Variants in COL11A2 observed in about 807,000 individuals in gnomAD.
COL11A2 encodes the protein collagen alpha-2(XI) chain.
A neutral mutation model predicts 273.4 loss-of-function variants in COL11A2; 116 were observed. That is an observed-to-expected ratio of 0.42 (90% CI 0.36 to 0.49). The LOEUF (loss-of-function observed/expected upper bound fraction) is 0.49. COL11A2 is among the 20% of genes least tolerant of loss of function. The probability of loss-of-function intolerance (pLI) is 0.00; values close to 1 mark genes in which losing one functional copy is unlikely to be tolerated. For synonymous variants in COL11A2, 782 were observed against 864.2 expected, an observed-to-expected ratio of 0.90 and a Z score of 1.67; for missense variants, 1,866 against 2,309.0, an observed-to-expected ratio of 0.81 and a Z score of 3.93.
rs1374357507 is a variant in COL11A2 at position 33,165,515 on chromosome 6, G to C, written c.4750+34C>G. On this transcript the variant is annotated intron_variant, in intron 63 of 65. Coordinates refer to ENST00000341947, the MANE Select transcript of COL11A2 (RefSeq NM_080680.3). The surrounding 1 kb of genome is among the most constrained non-coding windows in gnomAD (Gnocchi z 7.7). ...GCTTGTTCAGTACCCATGCTGTTGG[G>C]GAGATGTTTGTGCACCCTGAGGCTA... 6.2e-7 allele frequency: 1 copy of C among 1,608,356 alleles called. No individual in the cohort carries two copies. Among genetic ancestry groups the C allele is most frequent in the Non-Finnish European group, 8.5e-7 (1 of 1,179,970 alleles).
At position 33,189,371 on chromosome 6, in the gene COL11A2, G is replaced by A. The variant is rs1455937570; in HGVS notation, c.181C>T (p.Arg61Ter). The change falls in exon 2 of 66, where the codon CGA becomes TGA. Residue 61 changes from arginine to a stop codon, truncating the protein, a stop_gained. Transcript: ENST00000341947. LOFTEE classifies it high-confidence loss of function. The surrounding 1 kb of genome is among the most constrained non-coding windows in gnomAD (Gnocchi z 5.6). Reference protein sequence around the residue: ...KGICPADVAYRVARPAQLSAP... With the variant: ...KGICPADVAY ...CTGAGCTGGGCAGGTCGTGCCACTC[G>A]GTAGGCCACATCAGCTGGACAGATG... The A allele has an allele frequency of 2.5e-6, 4 of 1,613,328 alleles. No homozygotes were observed. Among genetic ancestry groups the A allele is most frequent in the South Asian group, 1.1e-5 (1 of 91,082 alleles).
chr6:33,176,360 G>C lies in COL11A2; in HGVS notation c.2170-57C>G. The C allele has an allele frequency of 6.2e-7, 1 of 1,600,320 alleles. No individual in the cohort carries two copies. The highest frequency in any genetic ancestry group is 1.1e-5 in the South Asian group (1 of 89,598). On this transcript the variant is annotated intron_variant, in intron 27 of 65. Transcript: ENST00000341947. This position sits in a 1 kb window ranked among gnomAD's most constrained non-coding sequence, Gnocchi z 4.9. ...ATCAGGGGATGGAGGTGGGTTGGAA[G>C]GACCAAGCTCCTAAGACCCCATATA...
rs1772697703 is a variant in COL11A2 at position 33,188,503 on chromosome 6, A to AG, written c.464dup (p.Val156CysfsTer11). 1 of 1,612,952 alleles carries AG rather than the reference A, an allele frequency of 6.2e-7. No homozygotes were observed. Among genetic ancestry groups the AG allele is most frequent in the Non-Finnish European group, 8.5e-7 (1 of 1,180,028 alleles). On this transcript the variant is annotated frameshift_variant, in exon 4 of 66. Transcript: ENST00000341947. LOFTEE classifies it high-confidence loss of function. Reference sequence around the variant, plus strand: ...TGAGGGTGACAGACTGGCCCTTCACAGCCACAGCCACACGGTGCCACCTGG... The same window carrying AG: ...TGAGGGTGACAGACTGGCCCTTCACAGGCCACAGCCACACGGTGCCACCTGG...
At chr6:33,186,572 G>T in intron 5 of COL11A2, 55 bp downstream of exon 5, 1 of 1,613,690 alleles carries the variant, frequency 6.2e-7, no homozygotes, top group Non-Finnish European at 8.5e-7. Flanking sequence ...GAGATGCCTG[G>T]GTGTCTTCCC....
At position 33,173,640 on chromosome 6, in the gene COL11A2, A is replaced by G; in HGVS notation, c.2628+61T>C. Reference sequence around the variant, plus strand: ...AGCTTCCTTCCTGGGGTGAGGAGGGAGCTGGCTCACCCAGGCTCCCTGGGG... The same window carrying G: ...AGCTTCCTTCCTGGGGTGAGGAGGGGGCTGGCTCACCCAGGCTCCCTGGGG... On this transcript the variant is annotated intron_variant, in intron 35 of 65. Transcript: ENST00000341947. This position sits in a 1 kb window ranked among gnomAD's most constrained non-coding sequence, Gnocchi z 6.3. The G allele has an allele frequency of 2.0e-6, 3 of 1,493,292 alleles. No individual in the cohort carries two copies. Among genetic ancestry groups the G allele is most frequent in the Non-Finnish European group, 2.8e-6 (3 of 1,081,330 alleles). The allele number at this position is 1,493,292 out of a possible 1,614,324, so 92.5% of individuals were successfully genotyped here. A position where few individuals can be genotyped will look rare whatever the true frequency, so the allele number is the denominator to read the frequency against.
At position 33,170,906 on chromosome 6, in the gene COL11A2, C is replaced by T; in HGVS notation, c.3378G>A (p.Gly1126=). The T allele has an allele frequency of 1.2e-6, 2 of 1,612,888 alleles. No homozygotes were observed. The highest frequency in any genetic ancestry group is 2.2e-5 in the East Asian group (1 of 44,862). ...CCTGGGGTCCCCGAGCTCCGGGCTCCCCATCTGCTCCCTGCAGGGTTGAGG... is the reference window on the plus strand; with the variant it reads ...CCTGGGGTCCCCGAGCTCCGGGCTCTCCATCTGCTCCCTGCAGGGTTGAGG... The part of the protein sequence containing the change: ...VGQPGAAGAD[G]EPGARGPQGH... The change falls in exon 46 of 66, where the codon GGG becomes GGA. Residue 1126 remains glycine (G), a synonymous_variant. Transcript: ENST00000341947. This position sits in a 1 kb window ranked among gnomAD's most constrained non-coding sequence, Gnocchi z 4.3.
At position 33,192,291 on chromosome 6, in the gene COL11A2, G is replaced by A. The variant is rs1363326575; in HGVS notation, c.-51C>T. 2.0e-6 allele frequency: 3 copies of A among 1,505,210 alleles called. No individual in the cohort carries two copies. The highest frequency in any genetic ancestry group is 2.1e-4 in the Middle Eastern group (1 of 4,684). The allele number at this position is 1,505,210 out of a possible 1,614,324, so 93.2% of individuals were successfully genotyped here. A position where few individuals can be genotyped will look rare whatever the true frequency, so the allele number is the denominator to read the frequency against. On this transcript the variant is annotated 5_prime_UTR_variant, in exon 1 of 66. Coordinates refer to ENST00000341947, the MANE Select transcript of COL11A2 (RefSeq NM_080680.3). Reference sequence around the variant, plus strand: ...CCAGGGACCCAGGTCGGCCTGAGACGCTGGATGCCCTGAGGCTGACAGAAG... The same window carrying A: ...CCAGGGACCCAGGTCGGCCTGAGACACTGGATGCCCTGAGGCTGACAGAAG...
At position 33,169,081 on chromosome 6, in the gene COL11A2, A is replaced by C; in HGVS notation, c.3799-73T>G. On this transcript the variant is annotated intron_variant, in intron 51 of 65. Transcript: ENST00000341947. The surrounding 1 kb of genome is among the most constrained non-coding windows in gnomAD (Gnocchi z 5.5). Reference sequence around the variant, plus strand: ...ACCCAGCACAGACGCCCACAGGCACACGCCACTGCCTCTCTAGAGGCAGTG... The same window carrying C: ...ACCCAGCACAGACGCCCACAGGCACCCGCCACTGCCTCTCTAGAGGCAGTG... 1.4e-6 allele frequency: 2 copies of C among 1,435,856 alleles called. No homozygotes were observed. The highest frequency in any genetic ancestry group is 1.9e-6 in the Non-Finnish European group (2 of 1,055,480). 88.9% of individuals were successfully genotyped at this position (1,435,856 alleles called of 1,614,324 possible).
chr6:33,173,400 C>G lies in COL11A2; in HGVS notation c.2684G>C (p.Gly895Ala), dbSNP rs555936455. The change falls in exon 37 of 66, where the codon GGC becomes GCC. Residue 895 changes from glycine (G) to alanine (A), a missense_variant and splice_region_variant. Gly to Ala is a moderately conservative substitution (Grantham distance 60). Coordinates refer to ENST00000341947, the MANE Select transcript of COL11A2 (RefSeq NM_080680.3). This position sits in a 1 kb window ranked among gnomAD's most constrained non-coding sequence, Gnocchi z 6.3. Reference sequence around the variant, plus strand: ...CGGCAGCCCATCCTTCCCAGGGGGGCCCTGGAAGGGGTTCAGTTGTCAGGT... The same window carrying G: ...CGGCAGCCCATCCTTCCCAGGGGGGGCCTGGAAGGGGTTCAGTTGTCAGGT... ...NGFPGPKGPP[G>A]PPGKDGLPGH... 118 of 1,613,054 alleles carry G rather than the reference C, an allele frequency of 7.3e-5. No homozygotes were observed. Among genetic ancestry groups the G allele is most frequent in the Non-Finnish European group, 9.1e-5 (107 of 1,179,924 alleles).
Position 33,172,285 on chromosome 6 carries a change from T to A in COL11A2, c.2988+4A>T. On this transcript the variant is annotated splice_donor_region_variant and intron_variant, in intron 40 of 65. Coordinates refer to ENST00000341947, the MANE Select transcript of COL11A2 (RefSeq NM_080680.3). ...ACAGGCAGGGGTCTGGGAGTCACAC[T>A]CACAGCAGTGCCTGGGAGGCCTCTC... 6.3e-7 allele frequency: 1 copy of A among 1,584,530 alleles called. No individual in the cohort carries two copies. Among genetic ancestry groups the A allele is most frequent in the Non-Finnish European group, 8.6e-7 (1 of 1,165,970 alleles).
Position 33,176,923 on chromosome 6 carries a change from G to GATT in COL11A2, c.2070+68_2070+69insAAT. On this transcript the variant is annotated intron_variant, in intron 25 of 65. Transcript: ENST00000341947. The surrounding 1 kb of genome is among the most constrained non-coding windows in gnomAD (Gnocchi z 4.9). ...CCTTTCAGTGCAAGGGTCACTAAAG[G>GATT]AGCTCTGAGGTCATGCACTGGGGTG... 1 of 1,563,220 alleles carries GATT rather than the reference G, an allele frequency of 6.4e-7. No homozygotes were observed. Among genetic ancestry groups the GATT allele is most frequent in the Non-Finnish European group, 8.7e-7 (1 of 1,146,988 alleles).
rs1395772864 is a variant in COL11A2, at chr6:33,189,218, G to C, written c.233-30C>G. 1.2e-6 allele frequency: 2 copies of C among 1,612,216 alleles called. No homozygotes were observed. The highest frequency in any genetic ancestry group is 3.3e-5 in the Admixed American group (2 of 59,824). Reference sequence around the variant, plus strand: ...TAACCGAGAGAGATACACACAGAGTGAGAGGCAAAGGGAGCCGCCACAACC... The same window carrying C: ...TAACCGAGAGAGATACACACAGAGTCAGAGGCAAAGGGAGCCGCCACAACC... On this transcript the variant is annotated intron_variant, in intron 2 of 65. Coordinates refer to ENST00000341947, the MANE Select transcript of COL11A2 (RefSeq NM_080680.3). This position sits in a 1 kb window ranked among gnomAD's most constrained non-coding sequence, Gnocchi z 5.6.
At chr6:33,184,398 G>C in intron 7 of COL11A2, 74 bp from the exon 8 acceptor site, 1 of 1,122,108 alleles carries the variant, frequency 8.9e-7, no homozygotes, top group South Asian at 1.3e-5. Context: ...TGGACCCCAG[G>C]GTGTGACAAC....
chr6:33,163,129 T>C lies in COL11A2; in HGVS notation c.*549A>G, dbSNP rs1408950695. 1.5e-4 allele frequency: 22 copies of C among 148,094 alleles called. No individual in the cohort carries two copies. The allele number at this position is 148,094 out of a possible 1,614,324, so 9.2% of individuals were successfully genotyped here. On this transcript the variant is annotated 3_prime_UTR_variant, in exon 66 of 66. Coordinates refer to ENST00000341947, the MANE Select transcript of COL11A2 (RefSeq NM_080680.3). This position sits in a 1 kb window ranked among gnomAD's most constrained non-coding sequence, Gnocchi z 4.1. ...CCAGGGAGACCACATATTCCAACTT[T>C]CACAGTGGGTGCGACAGGTGAGGTG... is the stretch of plus-strand genomic sequence containing the variant.
chr6:33,192,199 T>G lies in COL11A2; in HGVS notation c.42A>C (p.Leu14=), dbSNP rs759540951. ...CSRCHRLLLL[L]PLVLGLSAAP... ...CCGCGCTCAGCCCCAGCACCAGAGG[T>G]AGGAGGAGGAGGAGGCGATGGCAGC... The change falls in exon 1 of 66, where the codon CTA becomes CTC. Residue 14 remains leucine (L), a synonymous_variant. Coordinates refer to ENST00000341947, the MANE Select transcript of COL11A2 (RefSeq NM_080680.3). 3 of 1,565,940 alleles carry G rather than the reference T, an allele frequency of 1.9e-6. No individual in the cohort carries two copies. The highest frequency in any genetic ancestry group is 2.3e-5 in the South Asian group (2 of 85,112).
rs1483887175 is a variant in COL11A2 at position 33,190,082 on chromosome 6, T to C, written c.83-613A>G. On this transcript the variant is annotated intron_variant, in intron 1 of 65. Transcript: ENST00000341947. The surrounding 1 kb of genome is among the most constrained non-coding windows in gnomAD (Gnocchi z 4.5). ...CTCTATGAGAGGGGCTTCAAGCAGC[T>C]ACAGATCCCAGGTTTGGGGGATGGG... is the stretch of plus-strand genomic sequence containing the variant. Among the ~76,000 whole-genome samples the C allele has an allele frequency of 1.3e-5, 2 of 151,920 alleles. No individual in the cohort carries two copies. The highest frequency in any genetic ancestry group is 4.8e-5 in the African/African-American group (2 of 41,336).
Position 33,163,971 on chromosome 6 carries a change from G to A in COL11A2, c.5071-153C>T, listed in dbSNP as rs187754387. On this transcript the variant is annotated intron_variant, in intron 65 of 65. Coordinates refer to ENST00000341947, the MANE Select transcript of COL11A2 (RefSeq NM_080680.3). The surrounding 1 kb of genome is among the most constrained non-coding windows in gnomAD (Gnocchi z 4.1). ...TGGCAGTGTCTATGTGCCCATGCGTGTGTGTTTGCTTCTCCCCCACCGTGT... is the reference window on the plus strand; with the variant it reads ...TGGCAGTGTCTATGTGCCCATGCGTATGTGTTTGCTTCTCCCCCACCGTGT... Among the ~76,000 whole-genome samples the A allele has an allele frequency of 4.6e-3, 702 of 152,302 alleles. 6 individuals carry two copies. The highest frequency in any genetic ancestry group is 9.5e-3 in the Admixed American group (145 of 15,308).
rs1769381063 is a variant in COL11A2, at chr6:33,167,763, G to A, written c.4014+36C>T. 2 of 1,611,802 alleles carry A rather than the reference G, an allele frequency of 1.2e-6. No homozygotes were observed. Among genetic ancestry groups the A allele is most frequent in the Non-Finnish European group, 1.7e-6 (2 of 1,179,334 alleles). ...AGGCATCTGAGGGGTGGGAGGCGGA[G>A]GGGATGCTCCAGCACTAGGGCAGCC... is the stretch of plus-strand genomic sequence containing the variant. On this transcript the variant is annotated intron_variant, in intron 55 of 65. Coordinates refer to ENST00000341947, the MANE Select transcript of COL11A2 (RefSeq NM_080680.3). The surrounding 1 kb of genome is among the most constrained non-coding windows in gnomAD (Gnocchi z 6.1).
chr6:33,168,836 C>G, intron 52 of COL11A2, 77 bp from the exon 53 acceptor site: 1 of 1,605,578 alleles, frequency 6.2e-7, no homozygotes, highest in Non-Finnish European at 8.5e-7. Context: ...ATACCCCATC[C>G]CCTTGCCCAC....
Sources: allele counts gnomAD v4.1 joint callset (sites outside exome capture counted in the v4.1 genomes callset), GRCh38; gene constraint gnomAD v4.1.1; non-coding constraint Gnocchi (gnomAD v3.1); transcripts MANE v1.5; gene names NCBI Gene and HGNC (gene_info 2026-07-23, HGNC 2026-07-21).